The following HSPG2 variants were observed in gnomAD, a reference collection of about 807,000 sequenced individuals.
HSPG2 encodes the protein heparan sulfate proteoglycan 2.
HSPG2 carries 278 observed loss-of-function variants against 526.6 expected under a neutral mutation model. The ratio of observed to expected loss-of-function variants is 0.53; its 90% CI spans 0.48 to 0.58. The LOEUF is 0.58. HSPG2 is among the 20% of genes least tolerant of loss of function. The pLI, the probability that HSPG2 is intolerant of heterozygous loss-of-function variation, is 0.00. For missense variants in HSPG2, 5,354 were observed against 6,099.5 expected (o/e 0.88, Z 4.07); for synonymous variants, 2,465 against 2,555.4 (o/e 0.96, Z 1.07).
chr1:21,885,188 G>A (rs756369811), intron 10 of HSPG2, 31 bp from the exon 11 acceptor site: 19 of 1,598,902 alleles, frequency 1.2e-5, no homozygotes, highest in African/African-American at 8.0e-5. Context: ...GTGAGGGGTC[G>A]GGGGCAAAGG....
rs972403797 is a variant in HSPG2, at chr1:21,851,986, C to T, written c.6871-60G>A. On this transcript the variant is annotated intron_variant, in intron 53 of 96. Coordinates refer to ENST00000374695, the MANE Select transcript of HSPG2 (RefSeq NM_005529.7). The stretch of plus-strand genomic sequence containing the variant: ...TCCCGGAGGCCAGCAAATGCCCCAC[C>T]GCTGTCCCCCCGATCTAGGAAGTGC... 4.8e-5 allele frequency: 77 copies of T among 1,608,846 alleles called. No homozygotes were observed. In the Admixed American group the frequency reaches 7.2e-4, roughly 15 times the overall value.
intron 1 of HSPG2, among the ~76,000 whole-genome samples, chr1:21,932,033 T>C (rs1345126866): frequency 6.6e-6 from 1 of 152,142 alleles, no homozygotes; most frequent in Non-Finnish European, 1.5e-5. Flanking sequence ...GATGAGAACA[T>C]TAATGAATTA....
At position 21,848,535 on chromosome 1, in the gene HSPG2, T is replaced by G; in HGVS notation, c.7737+108A>C. On this transcript the variant is annotated intron_variant, in intron 59 of 96. Transcript: ENST00000374695. The surrounding 1 kb of genome is among the most constrained non-coding windows in gnomAD (Gnocchi z 4.9). ...ACCCATCCAGCAAGGATACTCAATGTTTGTTGAATGACTGAATGAGCACAG... is the reference window on the plus strand; with the variant it reads ...ACCCATCCAGCAAGGATACTCAATGGTTGTTGAATGACTGAATGAGCACAG... 4 of 1,312,774 alleles carry G rather than the reference T, an allele frequency of 3.0e-6. No individual in the cohort carries two copies. Among genetic ancestry groups the G allele is most frequent in the Non-Finnish European group, 4.4e-6 (4 of 911,990 alleles). 81.3% of individuals were successfully genotyped at this position (1,312,774 alleles called of 1,614,324 possible). A position where few individuals can be genotyped will look rare whatever the true frequency, so the allele number is the denominator to read the frequency against.
intron 28 of HSPG2, 134 bp from the exon 29 acceptor site, chr1:21,874,145 C>G: frequency 1.2e-6 from 1 of 846,562 alleles, no homozygotes; most frequent in Non-Finnish European, 1.9e-6. Flanking sequence ...CCACTGCATG[C>G]CTGGCACTGT....
chr1:21,873,174 G>A (rs1367266726), intron 30 of HSPG2, 83 bp from the exon 31 acceptor site: 7 of 1,285,372 alleles, frequency 5.4e-6, no homozygotes, highest in African/African-American at 4.4e-5. Flanking sequence ...ACCACTGAGC[G>A]GGAGCTCTGA....
intron 91 of HSPG2, among the ~76,000 whole-genome samples, chr1:21,825,721 C>G (rs2097971026): frequency 6.6e-6 from 1 of 152,186 alleles, no homozygotes; most frequent in Non-Finnish European, 1.5e-5. Flanking sequence ...GCTACAGACA[C>G]CACTGCATTT....
intron 1 of HSPG2, among the ~76,000 whole-genome samples, chr1:21,936,719 G>A (rs972781392): frequency 2.0e-5 from 3 of 152,226 alleles, no homozygotes; most frequent in Non-Finnish European, 2.9e-5. Flanking sequence ...GTGTGGTAAA[G>A]TTTCAGCGAG....
At chr1:21,878,385 G>T in intron 20 of HSPG2, 48 bp downstream of exon 20, 1 of 1,586,154 alleles carries the variant, frequency 6.3e-7, no homozygotes, top group South Asian at 1.1e-5. Context: ...GTGCAGCCCA[G>T]GTTGGGTTGG....
At chr1:21,909,044 G>A (rs370360863) in intron 1 of HSPG2, among the ~76,000 whole-genome samples, 2 of 152,324 alleles carry the variant, frequency 1.3e-5, no homozygotes, top group East Asian at 3.9e-4. Context: ...GGAGGTGGAG[G>A]TTGCAGTGGG....
chr1:21,835,406 G>A, intron 76 of HSPG2, 134 bp downstream of exon 76: 1 of 716,504 alleles, frequency 1.4e-6, no homozygotes, highest in Admixed American at 2.0e-5. Flanking sequence ...CACAAGCAAG[G>A]CAAAATGGAA....
In HSPG2 at chr1:21,859,471, C is replaced by G; in HGVS notation, c.5293+95G>C. 3.1e-6 allele frequency: 3 copies of G among 958,792 alleles called. No homozygotes were observed. The highest frequency in any genetic ancestry group is 4.0e-5 in the Admixed American group (2 of 50,218). 59.4% of individuals were successfully genotyped at this position (958,792 alleles called of 1,614,324 possible). A position where few individuals can be genotyped will look rare whatever the true frequency, so the allele number is the denominator to read the frequency against. On this transcript the variant is annotated intron_variant, in intron 42 of 96. Coordinates refer to ENST00000374695, the MANE Select transcript of HSPG2 (RefSeq NM_005529.7). This position sits in a 1 kb window ranked among gnomAD's most constrained non-coding sequence, Gnocchi z 5.3. ...GACCTTGTTCGGGCAACCACTGCCC[C>G]CTCCCAGCAGGTGAATGCACCATCT...
Position 21,880,173 on chromosome 1 carries a change from G to T in HSPG2, c.2277C>A (p.Gly759=). 6.2e-7 allele frequency: 1 copy of T among 1,614,114 alleles called. No individual in the cohort carries two copies. The highest frequency in any genetic ancestry group is 8.5e-7 in the Non-Finnish European group (1 of 1,180,000). Residue 759 remains glycine, a synonymous_variant, in exon 17 of 97, where the codon GGC becomes GGA. Coordinates refer to ENST00000374695, the MANE Select transcript of HSPG2 (RefSeq NM_005529.7). ...FTRVPGGPYL[G]TCSGCNCNGH... ...CATTGCAATTGCAACCAGAGCAGGT[G>T]CCCAGGTAGGGCCCACCAGGCACCC...
At chr1:21,829,125 G>T in intron 87 of HSPG2, 46 bp from the exon 88 acceptor site, 1 of 1,522,164 alleles carries the variant, frequency 6.6e-7, no homozygotes, top group Non-Finnish European at 8.8e-7. Context: ...GGCACACGGG[G>T]CTCCCTGCCC....
In HSPG2 at chr1:21,822,538, A is replaced by G. The variant is rs1390613588; in HGVS notation, c.*778T>C. ...GGAGTCCCTGGGCCTTCACTTCCAG[A>G]TGGGTGGGGATGTGGCCTGGGGTGG... On this transcript the variant is annotated 3_prime_UTR_variant, in exon 97 of 97. Transcript: ENST00000374695. 1.2e-5 allele frequency: 3 copies of G among 255,890 alleles called. No homozygotes were observed. The highest frequency in any genetic ancestry group is 1.5e-5 in the Non-Finnish European group (2 of 129,448). The allele number at this position is 255,890 out of a possible 1,614,324, so 15.9% of individuals were successfully genotyped here. A position where few individuals can be genotyped will look rare whatever the true frequency, so the allele number is the denominator to read the frequency against.
At chr1:21,860,560 C>T (rs1421685641) in intron 39 of HSPG2, among the ~76,000 whole-genome samples, 13 of 152,032 alleles carry the variant, frequency 8.6e-5, no homozygotes, top group Admixed American at 1.3e-4. Flanking sequence ...GGTGCGATCT[C>T]GGCTCACTGC....
At chr1:21,841,822 C>A (rs2098049802) in intron 69 of HSPG2, 149 bp from the exon 70 acceptor site, 1 of 1,311,358 alleles carries the variant, frequency 7.6e-7, no homozygotes, top group African/African-American at 1.5e-5. Flanking sequence ...CAGAAAGTAA[C>A]AAAGGCCTTG....
In HSPG2 at chr1:21,885,162, G is replaced by C; in HGVS notation, c.1211-5C>G. The C allele has an allele frequency of 6.2e-7, 1 of 1,607,204 alleles. No individual in the cohort carries two copies. The highest frequency in any genetic ancestry group is 8.5e-7 in the Non-Finnish European group (1 of 1,176,450). On this transcript the variant is annotated splice_region_variant and splice_polypyrimidine_tract_variant and intron_variant, in intron 10 of 96. Transcript: ENST00000374695. ...GTGTCACCACCTGGGGGGGCACTGA[G>C]GAGACCAGGGCAGGAGTGAGGGGTC...
intron 9 of HSPG2, 45 bp from the exon 10 acceptor site, chr1:21,885,496 C>T (rs757183655): frequency 2.5e-6 from 4 of 1,610,876 alleles, no homozygotes; most frequent in Non-Finnish European, 3.4e-6. Context: ...CCCCGTCCAT[C>T]CTCCCTGGGC....
In HSPG2 at chr1:21,884,633, C is replaced by T. The variant is rs139719757; in HGVS notation, c.1549G>A (p.Ala517Thr). 4.4e-4 allele frequency: 705 copies of T among 1,611,250 alleles called. 6 individuals carry two copies. The South Asian group carries it at 5.4e-3, about 12-fold the overall frequency. Reference protein sequence around the residue: ...DGHFYLEHSAACLPCFCFGIT... With the variant: ...DGHFYLEHSATCLPCFCFGIT... ...CCAAAGCAGAAGCAGGGCAGGCAGG[C>T]GGCGCTGTGCTCCAGGTAGAAGTGG... Residue 517 changes from alanine (A) to threonine (T), a missense_variant, in exon 13 of 97, where the codon GCC becomes ACC. Transcript: ENST00000374695.
Sources: allele counts gnomAD v4.1 joint callset (sites outside exome capture counted in the v4.1 genomes callset), GRCh38; gene constraint gnomAD v4.1.1; non-coding constraint Gnocchi (gnomAD v3.1); transcripts MANE v1.5; gene names NCBI Gene and HGNC (gene_info 2026-07-23, HGNC 2026-07-21).